RXFP2: variants seen among roughly 807,000 people sequenced by gnomAD.
RXFP2 encodes the protein relaxin family peptide receptor 2, also known as relaxin receptor 2.
A neutral mutation model predicts 88.6 loss-of-function variants in RXFP2; 68 were observed. That is an observed-to-expected ratio of 0.77 (90% CI 0.63 to 0.94). RXFP2 has a LOEUF of 0.94. Among genes scored for constraint, RXFP2 ranks in the 40% least tolerant of loss-of-function variants. The pLI is 0.00. For synonymous variants in RXFP2, 329 were observed against 306.8 expected (o/e 1.07, Z -0.76); for missense variants, 791 against 893.9 (o/e 0.88, Z 1.47).
Position 31,792,661 on chromosome 13 carries a change from T to C in RXFP2, c.1376-17T>C, listed in dbSNP as rs943698405. On this transcript the variant is annotated splice_polypyrimidine_tract_variant and intron_variant, in intron 15 of 17. Coordinates refer to ENST00000298386, the MANE Select transcript of RXFP2 (RefSeq NM_130806.5). Reference sequence around the variant, plus strand: ...CATTGGAAACTGATGACATACACTGTTTCAATTCTTCCACAGGTGCTGATT... The same window carrying C: ...CATTGGAAACTGATGACATACACTGCTTCAATTCTTCCACAGGTGCTGATT... The C allele has an allele frequency of 1.2e-6, 2 of 1,613,336 alleles. No individual in the cohort carries two copies. Among genetic ancestry groups the C allele is most frequent in the East Asian group, 2.2e-5 (1 of 44,890 alleles).
intron 9 of RXFP2, among the ~76,000 whole-genome samples, chr13:31,781,310 G>A (rs541589495): frequency 3.3e-5 from 5 of 152,082 alleles, no homozygotes; most frequent in Admixed American, 6.6e-5. Flanking sequence ...TTAAATGGGG[G>A]ATAATAGCAG....
At position 31,778,643 on chromosome 13, in the gene RXFP2, A is replaced by T. The variant is rs1873110222; in HGVS notation, c.785+60A>T. On this transcript the variant is annotated intron_variant, in intron 9 of 17. Coordinates refer to ENST00000298386, the MANE Select transcript of RXFP2 (RefSeq NM_130806.5). Reference sequence around the variant, plus strand: ...CCCTGATTAAGGAAACTAGCCATAAAGTTAATTCAAGGTTACCTAGAAAGT... The same window carrying T: ...CCCTGATTAAGGAAACTAGCCATAATGTTAATTCAAGGTTACCTAGAAAGT... 5 of 1,148,176 alleles carry T rather than the reference A, an allele frequency of 4.4e-6. No individual in the cohort carries two copies. The Admixed American group carries it at 6.7e-5, about 15-fold the overall frequency. The allele number at this position is 1,148,176 out of a possible 1,614,324, so 71.1% of individuals were successfully genotyped here.
intron 5 of RXFP2, 52 bp downstream of exon 5, chr13:31,766,079 T>A (rs755037709): frequency 1.1e-6 from 1 of 896,882 alleles, no homozygotes; most frequent in Non-Finnish European, 1.9e-6. Context: ...CGTGGTGGTG[T>A]AAGATGTTTT....
intron 5 of RXFP2, among the ~76,000 whole-genome samples, chr13:31,771,681 A>G (rs1279065374): frequency 1.3e-5 from 2 of 151,940 alleles, no homozygotes; most frequent in Non-Finnish European, 2.9e-5. Context: ...AGTCCCAGCT[A>G]CTCAAGAGGG....
intron 3 of RXFP2, among the ~76,000 whole-genome samples, chr13:31,764,197 C>G (rs183431761): frequency 1.7e-3 from 264 of 151,970 alleles, no homozygotes; most frequent in Non-Finnish European, 3.3e-3. Context: ...CTCTTTCTCT[C>G]AAAGCCTCGC....
At chr13:31,783,983 A>ATTTTTTTTTTTTTTTT (rs10686799) in intron 11 of RXFP2, among the ~76,000 whole-genome samples, 17 of 121,572 alleles carry the variant, frequency 1.4e-4, no homozygotes, top group East Asian at 7.6e-4. Flanking sequence ...TGCCTGGCTA[A>ATTTTTTTTTTTTTTTT]TTTTTTTTTT....
chr13:31,785,866 T>G (rs769408106), intron 11 of RXFP2, among the ~76,000 whole-genome samples: 1 of 152,230 alleles, frequency 6.6e-6, no homozygotes, highest in Non-Finnish European at 1.5e-5. Context: ...CAATTTCTTC[T>G]GCAAAAATAG....
intron 17 of RXFP2, 77 bp downstream of exon 17, chr13:31,797,496 G>C (rs1302508621): frequency 2.0e-6 from 2 of 1,009,498 alleles, no homozygotes; most frequent in Non-Finnish European, 3.1e-6. Context: ...CCAGAGTCTA[G>C]GACACATAAT....
intron 1 of RXFP2, among the ~76,000 whole-genome samples, chr13:31,740,687 A>C (rs1308467850): frequency 1.3e-5 from 2 of 152,040 alleles, no homozygotes; most frequent in Non-Finnish European, 2.9e-5. Context: ...AAAATATCTA[A>C]ATTTTATTTT....
At chr13:31,751,264 C>A (rs1227628882) in intron 1 of RXFP2, among the ~76,000 whole-genome samples, 1 of 152,040 alleles carries the variant, frequency 6.6e-6, no homozygotes, top group Non-Finnish European at 1.5e-5. Flanking sequence ...TGCACTCCAG[C>A]CTCGGCAACA....
At chr13:31,781,602 T>TA in intron 9 of RXFP2, 69 bp from the exon 10 acceptor site, 1 of 1,135,930 alleles carries the variant, frequency 8.8e-7, no homozygotes, top group Non-Finnish European at 1.3e-6. Context: ...ATAACCATTT[T>TA]AAAAAGTATC....
chr13:31,774,778 T>C (rs1365672499), intron 6 of RXFP2, 87 bp downstream of exon 6: 2 of 793,442 alleles, frequency 2.5e-6, no homozygotes, highest in African/African-American at 1.7e-5. Flanking sequence ...CTCGACTTGA[T>C]TGTAGGGAAG....
At chr13:31,772,643 T>TA (rs1271186793) in intron 5 of RXFP2, among the ~76,000 whole-genome samples, 1 of 152,178 alleles carries the variant, frequency 6.6e-6, no homozygotes, top group Admixed American at 6.5e-5. Context: ...TTCAGCAGCC[T>TA]AAGTCTGAGA....
Position 31,789,309 on chromosome 13 carries a change from G to A in RXFP2, c.1145+116G>A, listed in dbSNP as rs1054031100. On this transcript the variant is annotated intron_variant, in intron 14 of 17. Coordinates refer to ENST00000298386, the MANE Select transcript of RXFP2 (RefSeq NM_130806.5). ...TCTATGCAACAAAAGTCATTTTATT[G>A]AGAACTTTTTAATTTTGTCACCTTT... 37 of 752,286 alleles carry A rather than the reference G, an allele frequency of 4.9e-5. No homozygotes were observed. The Middle Eastern group carries it at 1.3e-3, about 27-fold the overall frequency. 46.6% of individuals were successfully genotyped at this position (752,286 alleles called of 1,614,324 possible).
chr13:31,760,152 G>A (rs1314272419), intron 2 of RXFP2, among the ~76,000 whole-genome samples: 1 of 152,120 alleles, frequency 6.6e-6, no homozygotes, highest in Non-Finnish European at 1.5e-5. Context: ...TCAATGGCGT[G>A]ATCTCAGCTC....
At chr13:31,769,327 C>T (rs960945213) in intron 5 of RXFP2, among the ~76,000 whole-genome samples, 2 of 152,058 alleles carry the variant, frequency 1.3e-5, no homozygotes, top group African/African-American at 4.8e-5. Context: ...TCCCATCATT[C>T]CTAAATTTAC....
At chr13:31,749,537 A>G (rs1207713706) in intron 1 of RXFP2, among the ~76,000 whole-genome samples, 1 of 152,202 alleles carries the variant, frequency 6.6e-6, no homozygotes, top group Non-Finnish European at 1.5e-5. Context: ...AAGAATGAAC[A>G]TCTTTAAAAT....
At chr13:31,757,375 C>T (rs960411060) in intron 1 of RXFP2, among the ~76,000 whole-genome samples, 1 of 152,152 alleles carries the variant, frequency 6.6e-6, no homozygotes, top group Non-Finnish European at 1.5e-5. Flanking sequence ...AGGATAATAT[C>T]GCCCATACAT....
At position 31,778,510 on chromosome 13, in the gene RXFP2, A is replaced by G; in HGVS notation, c.714-2A>G. ...TCTAATTAACATTTTCTTTGTGTAAAGGTCTATGGTTAATAACTACTTAGA... is the reference window on the plus strand; with the variant it reads ...TCTAATTAACATTTTCTTTGTGTAAGGGTCTATGGTTAATAACTACTTAGA... On this transcript the variant is annotated splice_acceptor_variant, in intron 8 of 17. Coordinates refer to ENST00000298386, the MANE Select transcript of RXFP2 (RefSeq NM_130806.5). LOFTEE classifies it high-confidence loss of function. The G allele has an allele frequency of 6.3e-7, 1 of 1,592,908 alleles. No individual in the cohort carries two copies. The highest frequency in any genetic ancestry group is 8.6e-7 in the Non-Finnish European group (1 of 1,160,960).
Sources: gnomAD v4.1 joint callset for allele counts (sites outside exome capture counted in the v4.1 genomes callset) on GRCh38, gnomAD v4.1.1 for gene constraint, MANE v1.5 for transcripts, NCBI Gene and HGNC (gene_info 2026-07-23, HGNC 2026-07-21) for gene names.